Variants in PCDHGB6 observed in about 807,000 individuals in gnomAD.
PCDHGB6 encodes protocadherin gamma subfamily B, 6.
In PCDHGB6, 51 loss-of-function variants were observed where a neutral mutation model predicts 59.1. The observed-to-expected ratio is 0.86, with a 90% CI of 0.69 to 1.09. PCDHGB6 has a LOEUF of 1.09. Ranked by LOEUF, PCDHGB6 falls within the 50% of genes least tolerant of loss-of-function variation. The pLI is 0.00. For missense variants in PCDHGB6, 1,148 were observed against 1,205.1 expected, an observed-to-expected ratio of 0.95 and a Z score of 0.70; for synonymous variants, 466 against 495.1, an observed-to-expected ratio of 0.94 and a Z score of 0.78.
Position 141,485,274 on chromosome 5 carries a change from C to G in PCDHGB6, c.2419-9533C>G. 2 of 1,614,106 alleles carry G rather than the reference C, an allele frequency of 1.2e-6. No homozygotes were observed. Among genetic ancestry groups the G allele is most frequent in the Non-Finnish European group, 1.7e-6 (2 of 1,179,964 alleles). On this transcript the variant is annotated intron_variant, in intron 1 of 3. Transcript: ENST00000520790. The surrounding 1 kb of genome is among the most constrained non-coding windows in gnomAD (Gnocchi z 5.7). ...TACGTTTGTGGGCAGATCCGCTACC[C>G]GGTCCCAGAGGAGTCACAGGAAGGG...
intron 1 of PCDHGB6, chr5:141,421,335 G>A (rs2096564985): frequency 1.2e-6 from 2 of 1,613,944 alleles, no homozygotes; most frequent in Non-Finnish European, 8.5e-7. Context: ...GATATTCGGT[G>A]CCAGAAGAGA....
rs776990176 is a variant in PCDHGB6 at position 141,485,136 on chromosome 5, C to A, written c.2419-9671C>A. ...GTTTGGGGCGGGTCGGCTTCATCCG[C>A]GTCTCAGGAGCAAGTAGAGAATTAG... On this transcript the variant is annotated intron_variant, in intron 1 of 3. Transcript: ENST00000520790. The surrounding 1 kb of genome is among the most constrained non-coding windows in gnomAD (Gnocchi z 5.7). The A allele has an allele frequency of 4.0e-6, 6 of 1,502,706 alleles. No individual in the cohort carries two copies. The South Asian group carries it at 5.9e-5, about 15-fold the overall frequency. The allele number at this position is 1,502,706 out of a possible 1,614,324, so 93.1% of individuals were successfully genotyped here.
intron 1 of PCDHGB6, among the ~76,000 whole-genome samples, chr5:141,455,574 C>T (rs1214642742): frequency 6.6e-6 from 1 of 152,158 alleles, no homozygotes; most frequent in Non-Finnish European, 1.5e-5. Flanking sequence ...CCTCCCACCC[C>T]AGCCTTTTAA....
At chr5:141,510,509 C>G (rs146315792) in intron 3 of PCDHGB6, among the ~76,000 whole-genome samples, 13 of 152,204 alleles carry the variant, frequency 8.5e-5, no homozygotes, top group Non-Finnish European at 1.6e-4. Flanking sequence ...ACTGAGAGCC[C>G]GTGTCACAGC....
chr5:141,492,962 C>T (rs1197532146), intron 1 of PCDHGB6, among the ~76,000 whole-genome samples: 2 of 152,258 alleles, frequency 1.3e-5, no homozygotes, highest in Non-Finnish European at 2.9e-5. Context: ...CTATCTGACA[C>T]TCTAACAAGT....
intron 1 of PCDHGB6, chr5:141,428,285 C>CA (rs2097130658): frequency 2.7e-6 from 2 of 734,934 alleles, no homozygotes; most frequent in Non-Finnish European, 4.7e-6. Context: ...GATTCCCAAG[C>CA]AAAGCTGCAG....
At chr5:141,497,733 T>G (rs2099779006) in intron 2 of PCDHGB6, among the ~76,000 whole-genome samples, 2 of 152,078 alleles carry the variant, frequency 1.3e-5, no homozygotes, top group Non-Finnish European at 2.9e-5. Context: ...AGAGATGGGT[T>G]TCGCCACGTT....
intron 1 of PCDHGB6, chr5:141,478,134 C>A (rs2099431418): frequency 6.2e-7 from 1 of 1,614,074 alleles, no homozygotes; most frequent in African/African-American, 1.3e-5. Flanking sequence ...TCTCCTGAAG[C>A]CCGAGCCGAG....
intron 2 of PCDHGB6, among the ~76,000 whole-genome samples, chr5:141,497,781 C>T (rs2099779421): frequency 1.3e-5 from 2 of 152,192 alleles, no homozygotes; most frequent in African/African-American, 4.8e-5. Flanking sequence ...CTCAACTGAT[C>T]CACCTGCTTC....
At chr5:141,495,591 C>G (rs2099762279) in intron 2 of PCDHGB6, among the ~76,000 whole-genome samples, 3 of 152,222 alleles carry the variant, frequency 2.0e-5, no homozygotes, top group African/African-American at 7.2e-5. Context: ...CCATCTCTGT[C>G]TTAGCTTCCG....
At chr5:141,412,890 T>G (rs2095584785) in intron 1 of PCDHGB6, 1 of 330,212 alleles carries the variant, frequency 3.0e-6, no homozygotes, top group Non-Finnish European at 5.4e-6. Context: ...AACAGAATAG[T>G]TTACTTTCCA....
chr5:141,451,579 A>G (rs1222576609), intron 1 of PCDHGB6, among the ~76,000 whole-genome samples: 1 of 152,084 alleles, frequency 6.6e-6, no homozygotes, highest in Non-Finnish European at 1.5e-5. Flanking sequence ...TTATAAACCT[A>G]ATTTTGAAAG....
chr5:141,426,858 T>G (rs898486771), intron 1 of PCDHGB6: 13 of 456,574 alleles, frequency 2.8e-5, no homozygotes, highest in African/African-American at 8.0e-5. Context: ...CGCTCCAGAA[T>G]TAGTGCTGGA....
At position 141,476,719 on chromosome 5, in the gene PCDHGB6, C is replaced by T; in HGVS notation, c.2419-18088C>T. ...ACGCGGAGCTGGTGTTGGAGCGCGC[C>T]CTGGACCGAGAACGGGAGCCTAGTC... On this transcript the variant is annotated intron_variant, in intron 1 of 3. Coordinates refer to ENST00000520790, the MANE Select transcript of PCDHGB6 (RefSeq NM_018926.3). The surrounding 1 kb of genome is among the most constrained non-coding windows in gnomAD (Gnocchi z 7.6). The T allele has an allele frequency of 6.2e-7, 1 of 1,614,154 alleles. No homozygotes were observed.
At chr5:141,502,191 A>G (rs2099813218) in intron 2 of PCDHGB6, among the ~76,000 whole-genome samples, 1 of 152,170 alleles carries the variant, frequency 6.6e-6, no homozygotes, top group Non-Finnish European at 1.5e-5. Flanking sequence ...TAATACAATA[A>G]TATAGAATCC....
chr5:141,485,619 G>A lies in PCDHGB6; in HGVS notation c.2419-9188G>A. On this transcript the variant is annotated intron_variant, in intron 1 of 3. Coordinates refer to ENST00000520790, the MANE Select transcript of PCDHGB6 (RefSeq NM_018926.3). This position sits in a 1 kb window ranked among gnomAD's most constrained non-coding sequence, Gnocchi z 5.7. ...GAAATTGGGGAGGCAGCTCCTCCAG[G>A]ACAGCGTTTCCCGTTGGAAAAGGCT... 3 of 1,612,234 alleles carry A rather than the reference G, an allele frequency of 1.9e-6. No homozygotes were observed. The highest frequency in any genetic ancestry group is 2.5e-6 in the Non-Finnish European group (3 of 1,178,678).
At chr5:141,453,608 C>T (rs1015022396) in intron 1 of PCDHGB6, among the ~76,000 whole-genome samples, 6 of 152,068 alleles carry the variant, frequency 3.9e-5, no homozygotes, top group South Asian at 2.1e-4. Context: ...TTTTGCAAAA[C>T]GCAAAAACAA....
At position 141,489,871 on chromosome 5, in the gene PCDHGB6, G is replaced by C; in HGVS notation, c.2419-4936G>C. ...TGAAGCCCAGGCAAGACATCAGCTGGTGCTTACTGCTGTGGATGGGGGGAC... is the reference window on the plus strand; with the variant it reads ...TGAAGCCCAGGCAAGACATCAGCTGCTGCTTACTGCTGTGGATGGGGGGAC... On this transcript the variant is annotated intron_variant, in intron 1 of 3. Coordinates refer to ENST00000520790, the MANE Select transcript of PCDHGB6 (RefSeq NM_018926.3). The surrounding 1 kb of genome is among the most constrained non-coding windows in gnomAD (Gnocchi z 4.5). 1 of 1,614,206 alleles carries C rather than the reference G, an allele frequency of 6.2e-7. No individual in the cohort carries two copies.
At chr5:141,413,020 C>T in intron 1 of PCDHGB6, 1 of 693,768 alleles carries the variant, frequency 1.4e-6, no homozygotes, top group Non-Finnish European at 2.3e-6. Context: ...CTACACAAGC[C>T]CCACAAACCG....
Sources: allele counts gnomAD v4.1 joint callset (sites outside exome capture counted in the v4.1 genomes callset), GRCh38; gene constraint gnomAD v4.1.1; non-coding constraint Gnocchi (gnomAD v3.1); transcripts MANE v1.5; gene names NCBI Gene and HGNC (gene_info 2026-07-23, HGNC 2026-07-21).